The following MARCHF1 variants were observed in gnomAD, a reference collection of about 807,000 sequenced individuals.
MARCHF1 encodes the protein E3 ubiquitin-protein ligase MARCHF1.
In MARCHF1, 40 loss-of-function variants were observed where a neutral mutation model predicts 54.2. The observed-to-expected ratio is 0.74, with a 90% CI of 0.57 to 0.96. MARCHF1 has a LOEUF of 0.96. MARCHF1 is among the 40% of genes least tolerant of loss of function. MARCHF1 has a pLI of 0.00. For missense variants in MARCHF1, 586 were observed against 656.5 expected (o/e 0.89, Z 1.17); for synonymous variants, 236 against 236.3 (o/e 1.00, Z 0.01).
At chr4:163,860,844 G>GC (rs1373356953) in intron 3 of MARCHF1, among the ~76,000 whole-genome samples, 1 of 152,110 alleles carries the variant, frequency 6.6e-6, no homozygotes, top group Non-Finnish European at 1.5e-5. Context: ...CCAACTTCTA[G>GC]CCGGAATAAC....
intron 1 of MARCHF1, among the ~76,000 whole-genome samples, chr4:164,223,851 TTAACA>T (rs1447161512): frequency 6.6e-6 from 1 of 151,362 alleles, no homozygotes; most frequent in African/African-American, 2.4e-5. Flanking sequence ...GTCATTCACA[TTAACA>T]TATTAACAGC....
chr4:163,882,194 C>T (rs1750431480), intron 3 of MARCHF1, among the ~76,000 whole-genome samples: 1 of 152,154 alleles, frequency 6.6e-6, no homozygotes. Flanking sequence ...AGTTCATAAT[C>T]ATAAAAAGCA....
intron 2 of MARCHF1, among the ~76,000 whole-genome samples, chr4:164,009,179 C>G (rs1004551485): frequency 6.6e-6 from 1 of 151,972 alleles, no homozygotes; most frequent in Non-Finnish European, 1.5e-5. Flanking sequence ...TTATGAGCAA[C>G]TACACACCAA....
At chr4:163,721,167 G>T (rs1745443625) in intron 4 of MARCHF1, among the ~76,000 whole-genome samples, 1 of 152,168 alleles carries the variant, frequency 6.6e-6, no homozygotes, top group South Asian at 2.1e-4. Context: ...CTGCGTGTTT[G>T]TCATAAATAT....
intron 7 of MARCHF1, among the ~76,000 whole-genome samples, chr4:163,602,824 A>G (rs1159692328): frequency 6.6e-6 from 1 of 152,146 alleles, no homozygotes; most frequent in Non-Finnish European, 1.5e-5. Flanking sequence ...AAAAAATAAT[A>G]GGGAGAAGTA....
At chr4:163,555,841 C>T (rs1171294375) in intron 8 of MARCHF1, 2 of 430,744 alleles carry the variant, frequency 4.6e-6, no homozygotes, top group African/African-American at 2.0e-5. Flanking sequence ...GGGCTCTTCG[C>T]CTCTTACCTC....
chr4:163,591,731 A>G (rs1021584112), intron 7 of MARCHF1, among the ~76,000 whole-genome samples: 1 of 152,156 alleles, frequency 6.6e-6, no homozygotes, highest in Non-Finnish European at 1.5e-5. Flanking sequence ...ACCAATGACC[A>G]GTGTTTTGTT....
At chr4:164,223,156 A>G (rs1274635551) in intron 1 of MARCHF1, among the ~76,000 whole-genome samples, 1 of 152,026 alleles carries the variant, frequency 6.6e-6, no homozygotes, top group East Asian at 1.9e-4. Flanking sequence ...GATTATTACA[A>G]TTCAAGGTGA....
intron 3 of MARCHF1, among the ~76,000 whole-genome samples, chr4:163,975,186 T>TCACA (rs1472424520): frequency 3.5e-4 from 48 of 135,270 alleles, no homozygotes; most frequent in Admixed American, 1.2e-3. Context: ...TCTCTCTCTC[T>TCACA]CTCTCTCTCT....
At chr4:163,780,332 A>G (rs1466266833) in intron 4 of MARCHF1, among the ~76,000 whole-genome samples, 1 of 152,240 alleles carries the variant, frequency 6.6e-6, no homozygotes, top group Admixed American at 6.5e-5. Flanking sequence ...CTTTGCCAGG[A>G]CAGGAATCCT....
At chr4:163,904,096 C>T (rs866726602) in intron 3 of MARCHF1, among the ~76,000 whole-genome samples, 1 of 152,118 alleles carries the variant, frequency 6.6e-6, no homozygotes, top group African/African-American at 2.4e-5. Context: ...ATAAGAATTA[C>T]TTAACTGTGA....
intron 1 of MARCHF1, among the ~76,000 whole-genome samples, chr4:164,248,929 A>AAATTCAT (rs1041345348): frequency 3.3e-5 from 5 of 152,192 alleles, no homozygotes; most frequent in East Asian, 1.9e-4. Context: ...TGAAATTTAA[A>AAATTCAT]AATTCATAAT....
At chr4:164,281,822 C>T (rs1734033393) in intron 1 of MARCHF1, among the ~76,000 whole-genome samples, 1 of 152,206 alleles carries the variant, frequency 6.6e-6, no homozygotes, top group South Asian at 2.1e-4. Context: ...ATCACACACA[C>T]CTTACTGCAG....
intron 4 of MARCHF1, among the ~76,000 whole-genome samples, chr4:163,731,275 A>G (rs1745821284): frequency 6.6e-6 from 1 of 152,236 alleles, no homozygotes; most frequent in African/African-American, 2.4e-5. Flanking sequence ...CATGGTCAGC[A>G]TTAATTGGAA....
At chr4:164,252,797 G>T (rs1733165951) in intron 1 of MARCHF1, among the ~76,000 whole-genome samples, 1 of 152,070 alleles carries the variant, frequency 6.6e-6, no homozygotes, top group Non-Finnish European at 1.5e-5. Context: ...AAATAAAAAT[G>T]TAATTATTAT....
chr4:164,292,201 T>C (rs1734299259), intron 1 of MARCHF1, among the ~76,000 whole-genome samples: 1 of 152,218 alleles, frequency 6.6e-6, no homozygotes, highest in Non-Finnish European at 1.5e-5. Context: ...TAGATTTATT[T>C]ATACATAGAT....
chr4:163,599,656 T>C (rs1442740432), intron 7 of MARCHF1, among the ~76,000 whole-genome samples: 1 of 152,188 alleles, frequency 6.6e-6, no homozygotes, highest in East Asian at 1.9e-4. Flanking sequence ...ACTTCAGTGG[T>C]TTCCAAACTT....
At chr4:164,074,680 TTC>T (rs1369888980) in intron 2 of MARCHF1, among the ~76,000 whole-genome samples, 1 of 152,064 alleles carries the variant, frequency 6.6e-6, no homozygotes, top group Admixed American at 6.6e-5. Flanking sequence ...ATGGAAAAAT[TTC>T]TCTGTTATGT....
At chr4:164,213,155 G>C (rs1731824483) in intron 1 of MARCHF1, among the ~76,000 whole-genome samples, 1 of 151,018 alleles carries the variant, frequency 6.6e-6, no homozygotes, top group South Asian at 2.1e-4. Context: ...TCGTTTCTTA[G>C]ATAAATTTTC....
Sources: gnomAD v4.1 joint callset for allele counts (sites outside exome capture counted in the v4.1 genomes callset) on GRCh38, gnomAD v4.1.1 for gene constraint, MANE v1.5 for transcripts, NCBI Gene and HGNC (gene_info 2026-07-23, HGNC 2026-07-21) for gene names.